THRB: variants seen among roughly 807,000 people sequenced by gnomAD.
The protein encoded by THRB is thyroid hormone receptor beta.
Under a neutral mutation model 47.8 loss-of-function variants are expected in THRB, and 12 were observed. The observed-to-expected ratio is 0.25, with a 90% CI of 0.16 to 0.41. THRB has a LOEUF of 0.41. Ranked by LOEUF, THRB falls within the 10% of genes least tolerant of loss-of-function variation. The probability of loss-of-function intolerance (pLI) is 1.00; values close to 1 mark genes in which losing one functional copy is unlikely to be tolerated. For missense variants in THRB, 348 were observed against 589.2 expected, an observed-to-expected ratio of 0.59 and a Z score of 4.24; for synonymous variants, 218 against 212.2, an observed-to-expected ratio of 1.03 and a Z score of -0.24.
At chr3:24,490,870 A>C (rs1019322279) in intron 1 of THRB, among the ~76,000 whole-genome samples, 3 of 152,198 alleles carry the variant, frequency 2.0e-5, no homozygotes, top group African/African-American at 2.4e-5. Flanking sequence ...GGCCCCCAAC[A>C]ATAAACATAC....
chr3:24,379,976 A>G (rs531624439), intron 1 of THRB, among the ~76,000 whole-genome samples: 1 of 151,192 alleles, frequency 6.6e-6, no homozygotes, highest in Non-Finnish European at 1.5e-5. Context: ...CCTTTTTGGT[A>G]TTCTGGCATT....
At chr3:24,340,907 C>T (rs527267612) in intron 1 of THRB, among the ~76,000 whole-genome samples, 13 of 152,214 alleles carry the variant, frequency 8.5e-5, no homozygotes, top group South Asian at 2.1e-4. Flanking sequence ...TCTTCTGATA[C>T]GTTTAAACAT....
At chr3:24,238,442 A>C (rs1006873547) in intron 3 of THRB, among the ~76,000 whole-genome samples, 1 of 152,138 alleles carries the variant, frequency 6.6e-6, no homozygotes, top group African/African-American at 2.4e-5. Context: ...CATGCATGAA[A>C]AACAACAAAC....
chr3:24,393,002 C>T (rs915646913), intron 1 of THRB, among the ~76,000 whole-genome samples: 1 of 152,048 alleles, frequency 6.6e-6, no homozygotes, highest in African/African-American at 2.4e-5. Context: ...TTCATGCTTA[C>T]TTGTTTGTAG....
At chr3:24,446,768 C>T (rs575764206) in intron 1 of THRB, among the ~76,000 whole-genome samples, 1 of 152,104 alleles carries the variant, frequency 6.6e-6, no homozygotes, top group African/African-American at 2.4e-5. Flanking sequence ...TGAGAGTGGG[C>T]GGCTGAATCA....
intron 8 of THRB, 73 bp from the exon 9 acceptor site, chr3:24,133,535 G>A (rs1446879744): frequency 4.3e-6 from 6 of 1,393,778 alleles, no homozygotes; most frequent in South Asian, 2.4e-5. Context: ...TTCTTATGTG[G>A]CAGAAAATCT....
At chr3:24,230,660 T>C (rs2048164349) in intron 3 of THRB, among the ~76,000 whole-genome samples, 1 of 152,112 alleles carries the variant, frequency 6.6e-6, no homozygotes, top group South Asian at 2.1e-4. Flanking sequence ...TTAGAAACTG[T>C]GCTGCCATTA....
chr3:24,347,180 A>G (rs1249050145), intron 1 of THRB, among the ~76,000 whole-genome samples: 3 of 152,048 alleles, frequency 2.0e-5, no homozygotes, highest in Non-Finnish European at 4.4e-5. Flanking sequence ...GAAATTAGAC[A>G]ATATTATTAA....
chr3:24,165,416 G>T, intron 5 of THRB: 1 of 709,826 alleles, frequency 1.4e-6, no homozygotes, highest in Admixed American at 1.8e-5. Context: ...GCATTCTCCA[G>T]CCCCATACAC....
chr3:24,372,591 G>A (rs1488861510), intron 1 of THRB, among the ~76,000 whole-genome samples: 1 of 152,010 alleles, frequency 6.6e-6, no homozygotes, highest in Non-Finnish European at 1.5e-5. Flanking sequence ...GTAATCCAGG[G>A]CTGTTCCTTT....
At chr3:24,262,848 TA>T (rs2052215183) in intron 3 of THRB, among the ~76,000 whole-genome samples, 2 of 151,728 alleles carry the variant, frequency 1.3e-5, no homozygotes, top group Admixed American at 1.3e-4. Context: ...GGGATTTTTT[TA>T]TTTTTTTTTC....
intron 1 of THRB, among the ~76,000 whole-genome samples, chr3:24,351,205 C>T (rs1047558368): frequency 2.0e-5 from 3 of 151,972 alleles, no homozygotes; most frequent in Admixed American, 2.0e-4. Context: ...TGTGTATACC[C>T]TTAGATCAGT....
intron 2 of THRB, among the ~76,000 whole-genome samples, chr3:24,314,567 C>T (rs148024040): frequency 6.6e-6 from 1 of 152,244 alleles, no homozygotes; most frequent in Non-Finnish European, 1.5e-5. Flanking sequence ...CCCTCTTTCC[C>T]AAAGGATAAA....
intron 3 of THRB, among the ~76,000 whole-genome samples, chr3:24,251,021 G>GA (rs1338841753): frequency 6.6e-6 from 1 of 150,564 alleles, no homozygotes. Flanking sequence ...AAACTAAATA[G>GA]AAAAAAAAGA....
chr3:24,163,814 T>TA (rs2039248998), intron 5 of THRB, among the ~76,000 whole-genome samples: 1 of 152,152 alleles, frequency 6.6e-6, no homozygotes, highest in Non-Finnish European at 1.5e-5. Flanking sequence ...GATTGGAAGT[T>TA]ATAGAATAAC....
chr3:24,177,910 G>C (rs773709640), intron 5 of THRB, among the ~76,000 whole-genome samples: 2 of 152,212 alleles, frequency 1.3e-5, no homozygotes, highest in Non-Finnish European at 2.9e-5. Flanking sequence ...TAAAATATGA[G>C]ACGAGAATAA....
intron 2 of THRB, among the ~76,000 whole-genome samples, chr3:24,310,960 C>T (rs979011714): frequency 6.6e-6 from 1 of 152,092 alleles, no homozygotes; most frequent in African/African-American, 2.4e-5. Flanking sequence ...TTTCAGAAGC[C>T]TTCAACTAAA....
chr3:24,289,726 G>C (rs1434993493), intron 3 of THRB, among the ~76,000 whole-genome samples: 3 of 152,182 alleles, frequency 2.0e-5, no homozygotes, highest in African/African-American at 7.2e-5. Context: ...TATCGAAAAG[G>C]CTGTCACATT....
intron 3 of THRB, among the ~76,000 whole-genome samples, chr3:24,244,917 G>C (rs1466676603): frequency 1.3e-5 from 2 of 152,196 alleles, no homozygotes; most frequent in Non-Finnish European, 2.9e-5. Context: ...ACCTTGTTAA[G>C]CTGTGAAGGG....
Sources: gnomAD v4.1 joint callset for allele counts (sites outside exome capture counted in the v4.1 genomes callset) on GRCh38, gnomAD v4.1.1 for gene constraint, MANE v1.5 for transcripts, NCBI Gene and HGNC (gene_info 2026-07-23, HGNC 2026-07-21) for gene names.